Variants in CALN1 observed in about 807,000 individuals in gnomAD.
CALN1 encodes calneuron 1, also known as calcium-binding protein 8.
Under a neutral mutation model 30.6 loss-of-function variants are expected in CALN1, and 17 were observed. That is an observed-to-expected ratio of 0.56 (90% CI 0.38 to 0.83). The LOEUF (loss-of-function observed/expected upper bound fraction) is 0.83, where lower values mean the gene tolerates loss of function less well. Ranked by LOEUF, CALN1 falls within the 40% of genes least tolerant of loss-of-function variation. The pLI, the probability that CALN1 is intolerant of heterozygous loss-of-function variation, is 0.00. For missense variants in CALN1, 291 were observed against 354.9 expected (o/e 0.82, Z 1.45); for synonymous variants, 156 against 131.4 (o/e 1.19, Z -1.28).
intron 3 of CALN1, among the ~76,000 whole-genome samples, chr7:72,241,427 C>T (rs932902191): frequency 6.6e-6 from 1 of 152,146 alleles, no homozygotes; most frequent in Admixed American, 6.6e-5. Flanking sequence ...AAGGTTCAGA[C>T]CGGGTGCAGG....
chr7:72,343,312 C>T (rs1802468330), intron 2 of CALN1, among the ~76,000 whole-genome samples: 2 of 152,020 alleles, frequency 1.3e-5, no homozygotes, highest in Admixed American at 6.5e-5. Context: ...AATCCCAGGC[C>T]GACGCGGGTG....
chr7:71,918,290 G>C (rs1794779426), intron 5 of CALN1, among the ~76,000 whole-genome samples: 2 of 152,218 alleles, frequency 1.3e-5, no homozygotes, highest in Admixed American at 1.3e-4. Flanking sequence ...GACTCTCGAA[G>C]AGTCGTGAGG....
rs1456967330 is a variant in CALN1, at chr7:71,784,968, C to T, written c.*2807G>A. On this transcript the variant is annotated 3_prime_UTR_variant, in exon 7 of 7. Coordinates refer to ENST00000395275, the MANE Select transcript of CALN1 (RefSeq NM_031468.4). The stretch of plus-strand genomic sequence containing the variant: ...TTGGCTGCCTGACAAGGAAGGCTTC[C>T]CTATACCCAAGACAAACTGTCCAAG... The T allele has an allele frequency of 2.5e-6, 1 of 397,772 alleles. No individual in the cohort carries two copies. The highest frequency in any genetic ancestry group is 4.4e-6 in the Non-Finnish European group (1 of 225,848). The allele number at this position is 397,772 out of a possible 1,614,324, so 24.6% of individuals were successfully genotyped here.
intron 5 of CALN1, among the ~76,000 whole-genome samples, chr7:71,876,813 G>A (rs1792271542): frequency 6.6e-6 from 1 of 152,150 alleles, no homozygotes; most frequent in African/African-American, 2.4e-5. Context: ...ACTTCTCTGA[G>A]ACAGAAACTA....
At chr7:72,291,125 T>C (rs1216561578) in intron 2 of CALN1, among the ~76,000 whole-genome samples, 2 of 152,136 alleles carry the variant, frequency 1.3e-5, no homozygotes, top group East Asian at 3.9e-4. Flanking sequence ...GATTTCACCA[T>C]GTTGGCCAGG....
At chr7:72,350,744 A>G (rs1802878368) in intron 2 of CALN1, among the ~76,000 whole-genome samples, 2 of 151,862 alleles carry the variant, frequency 1.3e-5, no homozygotes, top group South Asian at 2.1e-4. Flanking sequence ...ATTTACCTAT[A>G]TAACAAACTT....
At chr7:72,155,724 C>T (rs1054616059) in intron 3 of CALN1, among the ~76,000 whole-genome samples, 2 of 152,126 alleles carry the variant, frequency 1.3e-5, no homozygotes, top group African/African-American at 2.4e-5. Context: ...TACCCTAACT[C>T]TATGGCTTAA....
At chr7:72,273,283 G>A (rs1450141378) in intron 3 of CALN1, among the ~76,000 whole-genome samples, 6 of 151,786 alleles carry the variant, frequency 4.0e-5, no homozygotes, top group Non-Finnish European at 1.5e-5. Flanking sequence ...TTCGCCAGGC[G>A]TGGTGGTGCA....
At chr7:72,477,712 A>G in the CALN1 span, among the ~76,000 whole-genome samples, 4 of 152,028 alleles carry the variant, frequency 2.6e-5, no homozygotes, top group Admixed American at 1.3e-4. Context: ...ACATGCCACC[A>G]TGCCTGGATA....
intron 3 of CALN1, among the ~76,000 whole-genome samples, chr7:72,271,575 A>AAAAAAAAAAATATATATATATATAT: frequency 1.7e-4 from 9 of 52,116 alleles, no homozygotes; most frequent in African/African-American, 5.4e-4. Context: ...AAAAAAAAAA[A>AAAAAAAAAAATATATATATATATAT]ATATATATAT....
At chr7:71,951,886 T>C (rs1796710574) in intron 5 of CALN1, among the ~76,000 whole-genome samples, 1 of 152,056 alleles carries the variant, frequency 6.6e-6, no homozygotes, top group Admixed American at 6.5e-5. Context: ...GTGGATCTTC[T>C]GATGTCTTGC....
chr7:72,164,111 T>C (rs1788340901), intron 3 of CALN1, among the ~76,000 whole-genome samples: 1 of 152,200 alleles, frequency 6.6e-6, no homozygotes, highest in East Asian at 1.9e-4. Flanking sequence ...CTCACGCCTG[T>C]AATCCCAGCA....
intron 3 of CALN1, among the ~76,000 whole-genome samples, chr7:72,201,601 G>GA (rs906017610): frequency 4.0e-5 from 6 of 150,980 alleles, no homozygotes; most frequent in Non-Finnish European, 5.9e-5. Context: ...AAAAAAGAAA[G>GA]AAAAAAAAGA....
At chr7:71,789,340 C>A (rs1035912853) in intron 6 of CALN1, among the ~76,000 whole-genome samples, 1 of 152,106 alleles carries the variant, frequency 6.6e-6, no homozygotes, top group African/African-American at 2.4e-5. Context: ...TCGCTTGAAC[C>A]CGGGAGGCAG....
At chr7:72,475,235 G>A in the CALN1 span, among the ~76,000 whole-genome samples, 8 of 152,182 alleles carry the variant, frequency 5.3e-5, no homozygotes, top group South Asian at 4.2e-4. Flanking sequence ...AGGTCGAGGC[G>A]GGTGGATATC....
intron 5 of CALN1, among the ~76,000 whole-genome samples, chr7:71,978,289 T>TTTTTTTTTG (rs1798206768): frequency 1.6e-5 from 2 of 123,464 alleles, no homozygotes; most frequent in African/African-American, 8.6e-5. Context: ...TTTTTTTTTT[T>TTTTTTTTTG]GAGGGGGAGT....
At chr7:72,122,261 G>C (rs1808449901) in intron 3 of CALN1, among the ~76,000 whole-genome samples, 1 of 152,128 alleles carries the variant, frequency 6.6e-6, no homozygotes, top group Admixed American at 6.5e-5. Context: ...ACGGAGATTA[G>C]AGACTCCTTG....
chr7:72,405,637 A>G (rs1179616459), intron 1 of CALN1, among the ~76,000 whole-genome samples: 4 of 152,158 alleles, frequency 2.6e-5, no homozygotes, highest in Non-Finnish European at 2.9e-5. Context: ...CACGCGGCAC[A>G]TGCCGAAACT....
chr7:72,397,359 G>C (rs1295633069), intron 2 of CALN1, among the ~76,000 whole-genome samples: 3 of 152,166 alleles, frequency 2.0e-5, no homozygotes, highest in Admixed American at 1.3e-4. Flanking sequence ...TCAAGGTTGA[G>C]GCCACAGGAG....
Sources: allele counts gnomAD v4.1 joint callset (sites outside exome capture counted in the v4.1 genomes callset), GRCh38; gene constraint gnomAD v4.1.1; transcripts MANE v1.5; gene names NCBI Gene and HGNC (gene_info 2026-07-23, HGNC 2026-07-21).